PPIP5K2: variants seen among roughly 807,000 people sequenced by gnomAD.
PPIP5K2 encodes inositol hexakisphosphate and diphosphoinositol-pentakisphosphate kinase 2.
PPIP5K2 carries 105 observed loss-of-function variants against 154.6 expected under a neutral mutation model. The ratio of observed to expected loss-of-function variants is 0.68; its 90% CI spans 0.58 to 0.80. The LOEUF (loss-of-function observed/expected upper bound fraction) is 0.80, where lower values mean the gene tolerates loss of function less well. Ranked by LOEUF, PPIP5K2 falls within the 30% of genes least tolerant of loss-of-function variation. The pLI, the probability that PPIP5K2 is intolerant of heterozygous loss-of-function variation, is 0.00. For synonymous variants in PPIP5K2, 480 were observed against 490.3 expected, an observed-to-expected ratio of 0.98 and a Z score of 0.28; for missense variants, 992 against 1,504.6, an observed-to-expected ratio of 0.66 and a Z score of 5.64.
intron 13 of PPIP5K2, among the ~76,000 whole-genome samples, chr5:103,155,677 C>T (rs782190514): frequency 1.9e-4 from 29 of 151,808 alleles, no homozygotes; most frequent in Non-Finnish European, 3.2e-4. Flanking sequence ...CCACTCACCT[C>T]GGCCTCCCAA....
chr5:103,191,386 G>A (rs1801211276), intron 29 of PPIP5K2, among the ~76,000 whole-genome samples: 1 of 151,986 alleles, frequency 6.6e-6, no homozygotes, highest in African/African-American at 2.4e-5. Context: ...ACTACCTTTG[G>A]TAAGTAGTTA....
rs555727041 is a variant in PPIP5K2, at chr5:103,200,876, G to A, written c.3620-646G>A. ...TCGTCTTGAACTTCTGGGCTCAAGC[G>A]ATCCTCCCACGTTGGCCCTCCAAAG... On this transcript the variant is annotated intron_variant, in intron 30 of 30. Coordinates refer to ENST00000358359, the MANE Select transcript of PPIP5K2 (RefSeq NM_001276277.3). Among the ~76,000 whole-genome samples the A allele has an allele frequency of 7.9e-5, 12 of 152,128 alleles. No homozygotes were observed. The South Asian group carries it at 2.5e-3, about 32-fold the overall frequency.
chr5:103,164,241 T>A (rs528209653), intron 17 of PPIP5K2, among the ~76,000 whole-genome samples: 153 of 152,076 alleles, frequency 1.0e-3, no homozygotes, highest in African/African-American at 3.6e-3. Flanking sequence ...ACATTATACT[T>A]TTTTCCTTTT....
chr5:103,125,929 T>A (rs1293903165), intron 1 of PPIP5K2, among the ~76,000 whole-genome samples: 2 of 152,200 alleles, frequency 1.3e-5, no homozygotes, highest in Non-Finnish European at 2.9e-5. Flanking sequence ...AATTGAAAAT[T>A]CTTACTATGG....
chr5:103,159,682 T>C (rs1795928040), intron 17 of PPIP5K2, among the ~76,000 whole-genome samples: 1 of 152,218 alleles, frequency 6.6e-6, no homozygotes, highest in South Asian at 2.1e-4. Context: ...ATTATATATG[T>C]TTATGACACA....
chr5:103,129,728 C>T (rs527893427), intron 2 of PPIP5K2, 25 bp downstream of exon 2: 20 of 1,580,692 alleles, frequency 1.3e-5, no homozygotes, highest in African/African-American at 9.6e-5. Flanking sequence ...TTTCCTTTGG[C>T]GAGAGAAGAC....
chr5:103,148,053 T>G, intron 7 of PPIP5K2, 21 bp downstream of exon 7: 1 of 1,482,948 alleles, frequency 6.7e-7, no homozygotes, highest in South Asian at 1.2e-5. Context: ...TTAAAATAGA[T>G]TTTAGTTTTA....
intron 4 of PPIP5K2, among the ~76,000 whole-genome samples, chr5:103,138,059 T>C (rs1223836855): frequency 1.3e-5 from 2 of 152,192 alleles, no homozygotes; most frequent in Non-Finnish European, 2.9e-5. Context: ...CTTTTAATGC[T>C]TAGGTAATGT....
intron 5 of PPIP5K2, 35 bp from the exon 6 acceptor site, chr5:103,146,492 A>G (rs782415789): frequency 6.3e-7 from 1 of 1,592,820 alleles, no homozygotes; most frequent in Non-Finnish European, 8.6e-7. Context: ...TAATAAGAAT[A>G]TGTGATATTT....
chr5:103,158,192 C>T lies in PPIP5K2; in HGVS notation c.1494C>T (p.Ser498=). 6.2e-7 allele frequency: 1 copy of T among 1,612,582 alleles called. No individual in the cohort carries two copies. ...CPKTSSEEED[S]RREEPSLLLV... Reference sequence around the variant, plus strand: ...ATTCATTCATATGTGTCATAGACAGCCGAAGAGAAGAACCATCTTTACTTT... The same window carrying T: ...ATTCATTCATATGTGTCATAGACAGTCGAAGAGAAGAACCATCTTTACTTT... Residue 498 remains serine, a synonymous_variant, in exon 15 of 31, where the codon AGC becomes AGT. Coordinates refer to ENST00000358359, the MANE Select transcript of PPIP5K2 (RefSeq NM_001276277.3).
At chr5:103,185,712 T>C (rs1800267105) in intron 26 of PPIP5K2, among the ~76,000 whole-genome samples, 1 of 152,114 alleles carries the variant, frequency 6.6e-6, no homozygotes, top group South Asian at 2.1e-4. Context: ...GGGAGTCTTA[T>C]TAATTAAGAT....
In PPIP5K2 at chr5:103,207,246, G is replaced by A. The variant is rs1318066871; in HGVS notation, c.*5612G>A. 2 of 152,168 alleles carry A rather than the reference G, an allele frequency of 1.3e-5. No individual in the cohort carries two copies. The highest frequency in any genetic ancestry group is 4.8e-5 in the African/African-American group (2 of 41,438). The allele number at this position is 152,168 out of a possible 1,614,324, so 9.4% of individuals were successfully genotyped here. On this transcript the variant is annotated 3_prime_UTR_variant, in exon 31 of 31. Transcript: ENST00000358359. ...AGATCACACATCAGACTTTGGCCTG[G>A]AACATATCTCCTCACCCTAAATGCC...
At chr5:103,163,914 T>A (rs181776213) in intron 17 of PPIP5K2, among the ~76,000 whole-genome samples, 67 of 152,114 alleles carry the variant, frequency 4.4e-4, no homozygotes, top group African/African-American at 1.6e-3. Context: ...TTTACTTTTT[T>A]ATTTTTGTTG....
intron 8 of PPIP5K2, among the ~76,000 whole-genome samples, chr5:103,150,583 G>A (rs1554210947): frequency 6.6e-6 from 1 of 152,082 alleles, no homozygotes; most frequent in African/African-American, 2.4e-5. Flanking sequence ...GACCAGCCTA[G>A]CTAACATAGC....
rs1803747951 is a variant in PPIP5K2 at position 103,210,510 on chromosome 5, T to TAC, written c.*8877_*8878insCA. The TAC allele has an allele frequency of 6.6e-6, 1 of 151,976 alleles. No individual in the cohort carries two copies. Among genetic ancestry groups the TAC allele is most frequent in the Non-Finnish European group, 1.5e-5 (1 of 67,964 alleles). 9.4% of individuals were successfully genotyped at this position (151,976 alleles called of 1,614,324 possible). On this transcript the variant is annotated 3_prime_UTR_variant, in exon 31 of 31. Coordinates refer to ENST00000358359, the MANE Select transcript of PPIP5K2 (RefSeq NM_001276277.3). ...GGAGCTGGGAGAAAGGAGACCTGGGTATTAATCTCAGCTCTACCACTACAT... is the reference window on the plus strand; with the variant it reads ...GGAGCTGGGAGAAAGGAGACCTGGGTACATTAATCTCAGCTCTACCACTACAT...
At chr5:103,186,256 C>T (rs1362837244) in intron 26 of PPIP5K2, 64 bp from the exon 27 acceptor site, 32 of 1,601,922 alleles carry the variant, frequency 2.0e-5, no homozygotes, top group Non-Finnish European at 2.7e-5. Context: ...TTGCATGCTG[C>T]ATGAATTCCC....
chr5:103,186,498 A>G (rs558921671), intron 27 of PPIP5K2, 59 bp downstream of exon 27: 66 of 1,594,900 alleles, frequency 4.1e-5, no homozygotes, highest in Non-Finnish European at 5.6e-5. Flanking sequence ...ACCCATGAGC[A>G]GTATTTCTCA....
rs1803152665 is a variant in PPIP5K2, at chr5:103,202,407, C to T, written c.*773C>T. On this transcript the variant is annotated 3_prime_UTR_variant, in exon 31 of 31. Transcript: ENST00000358359. ...AGAGTTTCTTTTTAAGTATAGTTGA[C>T]AAGTGTATAAATGTTACACTTACTT... 6.6e-6 allele frequency: 1 copy of T among 152,154 alleles called. No homozygotes were observed. The highest frequency in any genetic ancestry group is 2.4e-5 in the African/African-American group (1 of 41,454). The allele number at this position is 152,154 out of a possible 1,614,324, so 9.4% of individuals were successfully genotyped here. A position where few individuals can be genotyped will look rare whatever the true frequency, so the allele number is the denominator to read the frequency against.
At chr5:103,170,547 A>C (rs143650067) in intron 19 of PPIP5K2, among the ~76,000 whole-genome samples, 1 of 151,538 alleles carries the variant, frequency 6.6e-6, no homozygotes, top group Non-Finnish European at 1.5e-5. Context: ...AGGTCTTTTT[A>C]TATGCTTCCC....
Sources: gnomAD v4.1 joint callset for allele counts (sites outside exome capture counted in the v4.1 genomes callset) on GRCh38, gnomAD v4.1.1 for gene constraint, MANE v1.5 for transcripts, NCBI Gene and HGNC (gene_info 2026-07-23, HGNC 2026-07-21) for gene names.